CAMK2B: variants seen among roughly 807,000 people sequenced by gnomAD.
CAMK2B encodes the protein calcium/calmodulin-dependent protein kinase type II subunit beta.
A neutral mutation model predicts 93.7 loss-of-function variants in CAMK2B; 27 were observed. That is an observed-to-expected ratio of 0.29 (90% CI 0.21 to 0.40). The LOEUF (loss-of-function observed/expected upper bound fraction) is 0.40, where lower values mean the gene tolerates loss of function less well. Ranked by LOEUF, CAMK2B falls within the 10% of genes least tolerant of loss-of-function variation. The pLI is 1.00. For synonymous variants in CAMK2B, 374 were observed against 358.8 expected, an observed-to-expected ratio of 1.04 and a Z score of -0.48; for missense variants, 568 against 895.8, an observed-to-expected ratio of 0.63 and a Z score of 4.67.
chr7:44,220,744 T>C, intron 21 of CAMK2B, 34 bp from the exon 22 acceptor site: 1 of 1,585,564 alleles, frequency 6.3e-7, no homozygotes, highest in Non-Finnish European at 8.6e-7. Flanking sequence ...AGGGGCCCCG[T>C]GGACCCCTGA....
chr7:44,321,550 C>A (rs913477194), intron 1 of CAMK2B, among the ~76,000 whole-genome samples: 33 of 152,108 alleles, frequency 2.2e-4, no homozygotes, highest in Admixed American at 1.8e-3. Context: ...GGGAGAAGGG[C>A]CTTTCTGGAC....
intron 1 of CAMK2B, among the ~76,000 whole-genome samples, chr7:44,302,281 A>AC (rs975717496): frequency 6.6e-6 from 1 of 152,190 alleles, no homozygotes; most frequent in African/African-American, 2.4e-5. Flanking sequence ...AACAGAAAGC[A>AC]CCAGGCCCAG....
At chr7:44,316,939 C>A (rs2116420000) in intron 1 of CAMK2B, among the ~76,000 whole-genome samples, 1 of 152,216 alleles carries the variant, frequency 6.6e-6, no homozygotes, top group South Asian at 2.1e-4. Flanking sequence ...TAACCTTCCT[C>A]CTAACTAGCA....
chr7:44,263,121 G>T, intron 2 of CAMK2B, 57 bp from the exon 3 acceptor site: 1 of 1,542,606 alleles, frequency 6.5e-7, no homozygotes, highest in Non-Finnish European at 8.9e-7. Context: ...GTGGCCCAGG[G>T]ATCGTCCATG....
intron 2 of CAMK2B, among the ~76,000 whole-genome samples, chr7:44,272,738 C>T (rs1041379032): frequency 2.0e-5 from 3 of 152,224 alleles, no homozygotes; most frequent in African/African-American, 7.2e-5. Context: ...AGGCCAGTGG[C>T]TGCAGTAGGG....
intron 2 of CAMK2B, among the ~76,000 whole-genome samples, chr7:44,278,606 C>A (rs1255591203): frequency 6.6e-6 from 1 of 152,188 alleles, no homozygotes; most frequent in Non-Finnish European, 1.5e-5. Context: ...GGACAGAGCA[C>A]CCAGACTGAG....
chr7:44,305,859 G>T (rs766928487), intron 1 of CAMK2B, among the ~76,000 whole-genome samples: 26 of 152,178 alleles, frequency 1.7e-4, no homozygotes, highest in Admixed American at 3.3e-4. Context: ...CTGGATTCTT[G>T]CGAGCCAGCT....
intron 1 of CAMK2B, among the ~76,000 whole-genome samples, chr7:44,285,389 GC>G (rs1293368579): frequency 2.6e-5 from 4 of 152,142 alleles, no homozygotes; most frequent in African/African-American, 9.7e-5. Context: ...ACCCACCCGT[GC>G]AAACCCGAGC....
At chr7:44,228,436 T>C (rs2096541389) in intron 19 of CAMK2B, among the ~76,000 whole-genome samples, 1 of 151,920 alleles carries the variant, frequency 6.6e-6, no homozygotes, top group East Asian at 1.9e-4. Context: ...GTGTGAAGTC[T>C]GTGGGGCTGG....
At position 44,217,431 on chromosome 7, in the gene CAMK2B, C is replaced by G. The variant is rs1396407291; in HGVS notation, c.*2094G>C. 1 of 152,116 alleles carries G rather than the reference C, an allele frequency of 6.6e-6. No homozygotes were observed. The highest frequency in any genetic ancestry group is 1.5e-5 in the Non-Finnish European group (1 of 68,094). 9.4% of individuals were successfully genotyped at this position (152,116 alleles called of 1,614,324 possible). On this transcript the variant is annotated 3_prime_UTR_variant, in exon 24 of 24. Transcript: ENST00000395749. Reference sequence around the variant, plus strand: ...CCAGAAAAAAAATCCCCAAATTATCCCAGACAGGCAGCTCCGTGGAGGTGA... The same window carrying G: ...CCAGAAAAAAAATCCCCAAATTATCGCAGACAGGCAGCTCCGTGGAGGTGA...
At position 44,286,753 on chromosome 7, in the gene CAMK2B, C is replaced by T. The variant is rs976310173; in HGVS notation, c.66-2528G>A. On this transcript the variant is annotated intron_variant, in intron 1 of 23. Transcript: ENST00000395749. The surrounding 1 kb of genome is among the most constrained non-coding windows in gnomAD (Gnocchi z 4.0). ...AGCCTAGGTCGGAGCAGTCAGCAAT[C>T]GGGGAAGGCGGGGGCAGGGAACACA... Among the ~76,000 whole-genome samples the T allele has an allele frequency of 2.0e-5, 3 of 152,200 alleles. No homozygotes were observed. Among genetic ancestry groups the T allele is most frequent in the African/African-American group, 4.8e-5 (2 of 41,450 alleles).
intron 1 of CAMK2B, among the ~76,000 whole-genome samples, chr7:44,294,849 C>T (rs1370124767): frequency 2.6e-5 from 4 of 152,216 alleles, no homozygotes; most frequent in Non-Finnish European, 5.9e-5. Flanking sequence ...AACAAAAGGT[C>T]AGCTGGGTCC....
intron 5 of CAMK2B, among the ~76,000 whole-genome samples, chr7:44,252,611 T>A (rs2096790889): frequency 6.6e-6 from 1 of 151,964 alleles, no homozygotes; most frequent in African/African-American, 2.4e-5. Context: ...GATCTGCTGA[T>A]GGGAGGCTCT....
chr7:44,220,805 C>A (rs919538265), intron 21 of CAMK2B, 21 bp downstream of exon 21: 33 of 1,560,544 alleles, frequency 2.1e-5, no homozygotes, highest in Non-Finnish European at 2.6e-5. Flanking sequence ...GCACAGCCCC[C>A]CCCCAGCCCC....
At chr7:44,314,003 G>C (rs1212675639) in intron 1 of CAMK2B, among the ~76,000 whole-genome samples, 1 of 151,998 alleles carries the variant, frequency 6.6e-6, no homozygotes, top group East Asian at 1.9e-4. Context: ...CGCCCACCCT[G>C]AGCCAGGCAT....
In CAMK2B at chr7:44,224,878, C is replaced by G. The variant is rs766376556; in HGVS notation, c.1597+1638G>C. On this transcript the variant is annotated intron_variant, in intron 20 of 23. Coordinates refer to ENST00000395749, the MANE Select transcript of CAMK2B (RefSeq NM_001220.5). The surrounding 1 kb of genome is among the most constrained non-coding windows in gnomAD (Gnocchi z 4.4). ...AGGCAGAAAGCTGGCCACCTGCCACCTGGGCCCAGGTGCCCCCAGGGCAGT... is the reference window on the plus strand; with the variant it reads ...AGGCAGAAAGCTGGCCACCTGCCACGTGGGCCCAGGTGCCCCCAGGGCAGT... Among the ~76,000 whole-genome samples, 1 of 152,088 alleles carries G rather than the reference C, an allele frequency of 6.6e-6. No homozygotes were observed. Among genetic ancestry groups the G allele is most frequent in the Non-Finnish European group, 1.5e-5 (1 of 67,982 alleles).
In CAMK2B at chr7:44,240,632, G is replaced by A. The variant is rs189387248; in HGVS notation, c.946+75C>T. 73 of 1,513,902 alleles carry A rather than the reference G, an allele frequency of 4.8e-5. 1 individual carries two copies. The East Asian group carries it at 1.5e-3, about 32-fold the overall frequency. 93.8% of individuals were successfully genotyped at this position (1,513,902 alleles called of 1,614,324 possible). On this transcript the variant is annotated intron_variant, in intron 12 of 23. Transcript: ENST00000395749. ...GCAGAGGAGGAGTGGAGAGGCTGGTGAGGAAGGAGGCGCTCTCCTGCGTGG... is the reference window on the plus strand; with the variant it reads ...GCAGAGGAGGAGTGGAGAGGCTGGTAAGGAAGGAGGCGCTCTCCTGCGTGG...
chr7:44,222,492 G>T (rs2096421244), intron 20 of CAMK2B, among the ~76,000 whole-genome samples: 1 of 151,970 alleles, frequency 6.6e-6, no homozygotes, highest in South Asian at 2.1e-4. Flanking sequence ...CTGGAGTGCA[G>T]TGACATGATC....
chr7:44,264,259 T>G (rs778048944), intron 2 of CAMK2B, among the ~76,000 whole-genome samples: 9 of 152,290 alleles, frequency 5.9e-5, no homozygotes, highest in Non-Finnish European at 8.8e-5. Context: ...CATTAAAACC[T>G]CTGATCCCCG....
Sources: gnomAD v4.1 joint callset for allele counts (sites outside exome capture counted in the v4.1 genomes callset) on GRCh38, gnomAD v4.1.1 for gene constraint, Gnocchi (gnomAD v3.1) non-coding constraint, MANE v1.5 for transcripts, NCBI Gene and HGNC (gene_info 2026-07-23, HGNC 2026-07-21) for gene names.